Variants in ARNT observed in about 807,000 individuals in gnomAD.
ARNT encodes class E basic helix-loop-helix protein 2.
A neutral mutation model predicts 105.0 loss-of-function variants in ARNT; 30 were observed. The observed-to-expected ratio is 0.29, with a 90% CI of 0.21 to 0.39. The LOEUF (loss-of-function observed/expected upper bound fraction) is 0.39. Among genes scored for constraint, ARNT ranks in the 10% least tolerant of loss-of-function variants. The pLI is 1.00. For missense variants in ARNT, 748 were observed against 978.7 expected (o/e 0.76, Z 3.15); for synonymous variants, 304 against 344.0 (o/e 0.88, Z 1.29).
Position 150,839,468 on chromosome 1 carries a change from G to T in ARNT, c.459C>A (p.Ser153=), listed in dbSNP as rs749918104. The T allele has an allele frequency of 6.2e-7, 1 of 1,614,172 alleles. No homozygotes were observed. Among genetic ancestry groups the T allele is most frequent in the South Asian group, 1.1e-5 (1 of 91,084 alleles). The change falls in exon 6 of 22, where the codon TCC becomes TCA. Residue 153 remains serine (S), a synonymous_variant. Transcript: ENST00000358595. ...RGTGNTSTDG[S]YKPSFLTDQE... The stretch of plus-strand genomic sequence containing the variant: ...GATCAGTGAGGAAAGACGGCTTATA[G>T]GAGCCATCAGTGGATGTGTTGCCAG...
intron 14 of ARNT, among the ~76,000 whole-genome samples, chr1:150,822,966 G>A (rs1274668520): frequency 6.6e-6 from 1 of 151,976 alleles, no homozygotes; most frequent in African/African-American, 2.4e-5. Context: ...GCCCAGGCTG[G>A]AGTGCAGTGG....
intron 1 of ARNT, among the ~76,000 whole-genome samples, chr1:150,862,025 G>GT (rs1441386208): frequency 6.6e-6 from 1 of 152,002 alleles, no homozygotes; most frequent in Non-Finnish European, 1.5e-5. Context: ...TTTACAATGG[G>GT]TTTATCAAGC....
In ARNT at chr1:150,810,940, C is replaced by T. The variant is rs963067280; in HGVS notation, c.*1081G>A. Reference sequence around the variant, plus strand: ...AAGAGGCTACTTTGCAAGAGGGCTTCGTATTTGGTTTACACTCCAACAATG... The same window carrying T: ...AAGAGGCTACTTTGCAAGAGGGCTTTGTATTTGGTTTACACTCCAACAATG... On this transcript the variant is annotated 3_prime_UTR_variant, in exon 22 of 22. Transcript: ENST00000358595. 1.8e-5 allele frequency: 4 copies of T among 228,028 alleles called. No individual in the cohort carries two copies. Among genetic ancestry groups the T allele is most frequent in the Non-Finnish European group, 2.6e-5 (3 of 114,572 alleles). 14.1% of individuals were successfully genotyped at this position (228,028 alleles called of 1,614,324 possible). A position where few individuals can be genotyped will look rare whatever the true frequency, so the allele number is the denominator to read the frequency against.
intron 1 of ARNT, among the ~76,000 whole-genome samples, chr1:150,869,445 C>T (rs1216299126): frequency 6.6e-6 from 1 of 152,068 alleles, no homozygotes; most frequent in Non-Finnish European, 1.5e-5. Flanking sequence ...CCACTGCACC[C>T]CAGCCTGGGT....
chr1:150,823,116 C>CA, intron 14 of ARNT, 78 bp downstream of exon 14: 1 of 1,352,050 alleles, frequency 7.4e-7, no homozygotes, highest in East Asian at 2.6e-5. Flanking sequence ...GTTTACCCCC[C>CA]ACATAGGGCA....
At chr1:150,849,365 G>C (rs1026033380) in intron 3 of ARNT, among the ~76,000 whole-genome samples, 19 of 152,168 alleles carry the variant, frequency 1.2e-4, no homozygotes, top group African/African-American at 4.6e-4. Context: ...AAAAAAAGCA[G>C]ATTGCGGTCA....
Position 150,832,365 on chromosome 1 carries a change from T to C in ARNT, c.838A>G (p.Asn280Asp). 1 of 1,614,116 alleles carries C rather than the reference T, an allele frequency of 6.2e-7. No individual in the cohort carries two copies. Among genetic ancestry groups the C allele is most frequent in the Non-Finnish European group, 8.5e-7 (1 of 1,180,008 alleles). ...GSSSVDPVSV[N>D]RLSFVRNRCR... ...CTGTTCCTCACAAAGCTCAGCCTAT[T>C]CACAGAAACTGGGTCCACAGAGCTA... The change falls in exon 9 of 22, where the codon AAT becomes GAT. Residue 280 changes from asparagine (N) to aspartate (D), a missense_variant. By Grantham distance (23) the Asn-to-Asp change is conservative. Around this residue, in one of 4 missense-constraint regions of ARNT, gnomAD observed 291 missense variants for 444.6 expected, o/e 0.65. Transcript: ENST00000358595.
At chr1:150,860,760 G>T (rs587621669) in intron 1 of ARNT, among the ~76,000 whole-genome samples, 23 of 151,812 alleles carry the variant, frequency 1.5e-4, no homozygotes, top group African/African-American at 5.6e-4. Flanking sequence ...GGAAGCTGAG[G>T]CAGGGAGAAT....
At chr1:150,816,664 T>C in intron 18 of ARNT, 124 bp downstream of exon 18, 1 of 1,178,906 alleles carries the variant, frequency 8.5e-7, no homozygotes, top group South Asian at 1.7e-5. Flanking sequence ...TGCCTCACGC[T>C]AGGCCCTACA....
At chr1:150,828,991 A>T in intron 12 of ARNT, 102 bp downstream of exon 12, 1 of 1,367,872 alleles carries the variant, frequency 7.3e-7, no homozygotes, top group Admixed American at 2.4e-5. Context: ...TCTTTTTCTT[A>T]ACTGAGGTTG....
chr1:150,819,685 T>C (rs1347070321), intron 14 of ARNT, among the ~76,000 whole-genome samples: 1 of 152,180 alleles, frequency 6.6e-6, no homozygotes, highest in Non-Finnish European at 1.5e-5. Context: ...AATTACAAAG[T>C]CTATGATTCC....
chr1:150,844,808 ACTGT>A (rs750526813), intron 4 of ARNT, among the ~76,000 whole-genome samples: 339 of 150,996 alleles, frequency 2.2e-3, no homozygotes, highest in Non-Finnish European at 4.1e-3. Context: ...CTGTTTCCTT[ACTGT>A]CTTTTTTTTT....
rs1443740987 is a variant in ARNT at position 150,832,351 on chromosome 1, A to G, written c.852T>C (p.Phe284=). Reference sequence around the variant, plus strand: ...GATCTCACCTGCATCTGTTCCTCACAAAGCTCAGCCTATTCACAGAAACTG... The same window carrying G: ...GATCTCACCTGCATCTGTTCCTCACGAAGCTCAGCCTATTCACAGAAACTG... ...VDPVSVNRLS[F]VRNRCRNGLG... The change falls in exon 9 of 22, where the codon TTT becomes TTC. Residue 284 remains phenylalanine (F), a synonymous_variant. Transcript: ENST00000358595. 1.3e-5 allele frequency: 21 copies of G among 1,614,048 alleles called. No homozygotes were observed. The East Asian group carries it at 4.7e-4, about 36-fold the overall frequency.
intron 1 of ARNT, among the ~76,000 whole-genome samples, chr1:150,859,179 AC>A (rs1451541272): frequency 2.0e-5 from 3 of 151,952 alleles, no homozygotes; most frequent in Non-Finnish European, 4.4e-5. Flanking sequence ...AATACAGAAA[AC>A]CCCAAAGGAA....
intron 8 of ARNT, 74 bp downstream of exon 8, chr1:150,834,464 A>G: frequency 6.9e-7 from 1 of 1,446,412 alleles, no homozygotes. Flanking sequence ...AATCCAACTT[A>G]ACTCTGACAG....
At chr1:150,872,620 A>T (rs1667627711) in intron 1 of ARNT, among the ~76,000 whole-genome samples, 1 of 152,112 alleles carries the variant, frequency 6.6e-6, no homozygotes, top group Non-Finnish European at 1.5e-5. Flanking sequence ...TCTCCTCCCA[A>T]CTGTTCCCTC....
chr1:150,855,226 G>T (rs1033637121), intron 2 of ARNT, among the ~76,000 whole-genome samples: 1 of 152,132 alleles, frequency 6.6e-6, no homozygotes, highest in Non-Finnish European at 1.5e-5. Flanking sequence ...TCCCAAAATA[G>T]GAAGTTAAGT....
At chr1:150,868,601 T>C (rs1269600038) in intron 1 of ARNT, among the ~76,000 whole-genome samples, 3 of 152,054 alleles carry the variant, frequency 2.0e-5, no homozygotes, top group Non-Finnish European at 4.4e-5. Flanking sequence ...AGGACAGTAG[T>C]TCAAGACCAG....
chr1:150,835,955 T>G (rs1660251774), intron 7 of ARNT, among the ~76,000 whole-genome samples: 2 of 151,934 alleles, frequency 1.3e-5, no homozygotes, highest in Non-Finnish European at 2.9e-5. Context: ...TACCAGATAA[T>G]TATCCATACA....
Sources: allele counts gnomAD v4.1 joint callset (sites outside exome capture counted in the v4.1 genomes callset), GRCh38; gene constraint gnomAD v4.1.1; regional missense constraint gnomAD v4.1.1; transcripts MANE v1.5; gene names NCBI Gene and HGNC (gene_info 2026-07-23, HGNC 2026-07-21).